ADA2: variants seen among roughly 807,000 people sequenced by gnomAD.
ADA2 encodes the protein adenosine deaminase CECR1.
ADA2 carries 29 observed loss-of-function variants against 44.2 expected under a neutral mutation model. That is an observed-to-expected ratio of 0.66 (90% CI 0.49 to 0.89). The LOEUF (loss-of-function observed/expected upper bound fraction) is 0.89. Among genes scored for constraint, ADA2 ranks in the 40% least tolerant of loss-of-function variants. The pLI is 0.00. For missense variants in ADA2, 637 were observed against 644.8 expected (o/e 0.99, Z 0.13); for synonymous variants, 215 against 234.9 (o/e 0.92, Z 0.77).
In ADA2 at chr22:17,193,404, C is replaced by T. The variant is rs1404708920; in HGVS notation, c.754-1594G>A. 5 of 395,158 alleles carry T rather than the reference C, an allele frequency of 1.3e-5. No homozygotes were observed. The Middle Eastern group carries it at 2.4e-3, about 190-fold the overall frequency. The allele number at this position is 395,158 out of a possible 1,614,324, so 24.5% of individuals were successfully genotyped here. ...AAAAAAAGGACAGCGCGGTGGCTCA[C>T]GCCTGTAATCCCAGCACTTTGGGCG... On this transcript the variant is annotated intron_variant, in intron 4 of 9. Coordinates refer to ENST00000399837, the MANE Select transcript of ADA2 (RefSeq NM_001282225.2).
intron 4 of ADA2, chr22:17,192,829 G>GAAA: frequency 1.3e-5 from 4 of 304,272 alleles, no homozygotes; most frequent in South Asian, 2.7e-5. Flanking sequence ...ACTCTGTCTC[G>GAAA]AAAAAAAAAA....
chr22:17,190,110 A>C, intron 5 of ADA2, 78 bp from the exon 6 acceptor site: 6 of 1,183,476 alleles, frequency 5.1e-6, no homozygotes, highest in South Asian at 2.5e-5. Flanking sequence ...CCCTCCGTGC[A>C]GGGCTGGGCC....
chr22:17,184,983 AATATATATAT>A lies in ADA2; in HGVS notation c.1082-2232_1082-2223del, dbSNP rs374170344. Among the ~76,000 whole-genome samples, 26 of 78,718 alleles carry A rather than the reference AATATATATAT, an allele frequency of 3.3e-4. 5 individuals carry two copies. Among genetic ancestry groups the A allele is most frequent in the Admixed American group, 1.5e-3 (13 of 8,806 alleles). 51.6% of individuals were successfully genotyped at this position (78,718 alleles called of 152,430 possible). A position where few individuals can be genotyped will look rare whatever the true frequency, so the allele number is the denominator to read the frequency against. On this transcript the variant is annotated intron_variant, in intron 7 of 9. Coordinates refer to ENST00000399837, the MANE Select transcript of ADA2 (RefSeq NM_001282225.2). ...CTGGGTGACAGAGTGCCCATGTCAAAATATATATATATATATATATATATGAAAACTCCAC... is the reference window on the plus strand; with the variant it reads ...CTGGGTGACAGAGTGCCCATGTCAAAATATATATATATATGAAAACTCCAC...
chr22:17,185,606 C>A (rs371724911), intron 7 of ADA2, among the ~76,000 whole-genome samples: 1 of 152,126 alleles, frequency 6.6e-6, no homozygotes, highest in African/African-American at 2.4e-5. Flanking sequence ...TTTTCCCCAA[C>A]CAGACCACAA....
At chr22:17,205,285 G>A (rs1225710311) in intron 3 of ADA2, among the ~76,000 whole-genome samples, 1 of 152,098 alleles carries the variant, frequency 6.6e-6, no homozygotes, top group African/African-American at 2.4e-5. Flanking sequence ...CTCCCAAAGT[G>A]TTAGGATTAC....
intron 7 of ADA2, among the ~76,000 whole-genome samples, chr22:17,185,784 A>G (rs2062029050): frequency 6.6e-6 from 1 of 152,194 alleles, no homozygotes; most frequent in Non-Finnish European, 1.5e-5. Flanking sequence ...GTGATAGAGC[A>G]GAGCTTAAGC....
Position 17,182,907 on chromosome 22 carries a change from C to T in ADA2, c.1082-146G>A, listed in dbSNP as rs1236724248. The T allele has an allele frequency of 4.3e-6, 3 of 693,122 alleles. No individual in the cohort carries two copies. The African/African-American group carries it at 5.5e-5, about 13-fold the overall frequency. 42.9% of individuals were successfully genotyped at this position (693,122 alleles called of 1,614,324 possible). On this transcript the variant is annotated intron_variant, in intron 7 of 9. Coordinates refer to ENST00000399837, the MANE Select transcript of ADA2 (RefSeq NM_001282225.2). Reference sequence around the variant, plus strand: ...AAATGAAGAGAAATTAACATTAACACAAATACACACACACAGTTTCCTTTT... The same window carrying T: ...AAATGAAGAGAAATTAACATTAACATAAATACACACACACAGTTTCCTTTT...
At chr22:17,197,858 G>A (rs1297976822) in intron 4 of ADA2, among the ~76,000 whole-genome samples, 1 of 152,104 alleles carries the variant, frequency 6.6e-6, no homozygotes, top group Non-Finnish European at 1.5e-5. Flanking sequence ...GACCAACATG[G>A]AGAAACCCCG....
chr22:17,182,350 C>T (rs3764849), intron 8 of ADA2, among the ~76,000 whole-genome samples: 4,839 of 152,242 alleles, frequency 0.032, 149 homozygotes, highest in African/African-American at 0.078. Context: ...GGCCTCCCCC[C>T]ATGTCCTTTT....
intron 1 of ADA2, among the ~76,000 whole-genome samples, chr22:17,215,226 C>T (rs552720478): frequency 2.6e-5 from 4 of 152,224 alleles, no homozygotes; most frequent in African/African-American, 7.2e-5. Flanking sequence ...GTAAATTACA[C>T]AAGAAAGCAG....
intron 4 of ADA2, 96 bp downstream of exon 4, chr22:17,203,467 T>C: frequency 1.0e-6 from 1 of 956,676 alleles, no homozygotes. Context: ...GAGACCTGAG[T>C]GGTCAATTCA....
At chr22:17,201,811 T>TACCTAACC (rs1188389264) in intron 4 of ADA2, among the ~76,000 whole-genome samples, 1 of 152,098 alleles carries the variant, frequency 6.6e-6, no homozygotes, top group Non-Finnish European at 1.5e-5. Context: ...CATCTCAGAG[T>TACCTAACC]ACCTAACCTC....
At chr22:17,199,414 T>TGTC (rs2123686549) in intron 4 of ADA2, 1 of 895,014 alleles carries the variant, frequency 1.1e-6, no homozygotes, top group Admixed American at 1.9e-5. Flanking sequence ...TGTCTCAGCG[T>TGTC]CTCCTCCCTC....
At chr22:17,194,316 C>A (rs1416126746) in intron 4 of ADA2, among the ~76,000 whole-genome samples, 1 of 152,160 alleles carries the variant, frequency 6.6e-6, no homozygotes, top group Admixed American at 6.5e-5. Context: ...CCTTGGGAGT[C>A]CACCTCCTCT....
intron 5 of ADA2, among the ~76,000 whole-genome samples, chr22:17,190,548 C>A (rs2062102545): frequency 6.6e-6 from 1 of 152,214 alleles, no homozygotes; most frequent in Non-Finnish European, 1.5e-5. Flanking sequence ...AGGGGCAAGG[C>A]AGGCAGCATG....
intron 7 of ADA2, among the ~76,000 whole-genome samples, chr22:17,186,374 A>G (rs1374957517): frequency 2.5e-5 from 2 of 78,524 alleles, no homozygotes; most frequent in Non-Finnish European, 4.9e-5. Context: ...TGAGGTTGGG[A>G]GTTCAAGACC....
At chr22:17,200,631 G>A (rs368837709) in intron 4 of ADA2, among the ~76,000 whole-genome samples, 10 of 152,096 alleles carry the variant, frequency 6.6e-5, no homozygotes, top group South Asian at 2.1e-4. Context: ...ATGGTGGCTC[G>A]TAATCTTTGG....
chr22:17,199,443 C>CCCAA, intron 4 of ADA2: 1 of 1,094,332 alleles, frequency 9.1e-7, no homozygotes, highest in Non-Finnish European at 1.4e-6. Context: ...TATCCTCTTC[C>CCCAA]CCTCCACCCA....
At chr22:17,192,847 G>C (rs568787918) in intron 4 of ADA2, 6 of 385,048 alleles carry the variant, frequency 1.6e-5, no homozygotes, top group Admixed American at 1.1e-4. Context: ...AAAAGGGGGG[G>C]CCCTCTCTCT....
Sources: allele counts gnomAD v4.1 joint callset (sites outside exome capture counted in the v4.1 genomes callset), GRCh38; gene constraint gnomAD v4.1.1; transcripts MANE v1.5; gene names NCBI Gene and HGNC (gene_info 2026-07-23, HGNC 2026-07-21).